CR1: variants seen among roughly 807,000 people sequenced by gnomAD.
The protein encoded by CR1 is complement receptor type 1.
A neutral mutation model predicts 187.3 loss-of-function variants in CR1; 116 were observed. The ratio of observed to expected loss-of-function variants is 0.62; its 90% CI spans 0.53 to 0.72. The LOEUF is 0.72. CR1 is among the 30% of genes least tolerant of loss of function. The pLI is 0.00. For missense variants in CR1, 1,731 were observed against 2,110.7 expected, an observed-to-expected ratio of 0.82 and a Z score of 3.52; for synonymous variants, 576 against 747.1, an observed-to-expected ratio of 0.77 and a Z score of 3.73.
chr1:207,614,929 C>G (rs979235393), intron 40 of CR1, among the ~76,000 whole-genome samples: 3 of 152,130 alleles, frequency 2.0e-5, no homozygotes, highest in African/African-American at 4.8e-5. Context: ...CGCACCTCAG[C>G]CTCCCAGTAG....
chr1:207,617,718 C>T lies in CR1; in HGVS notation c.6890-353C>T, dbSNP rs574419266. On this transcript the variant is annotated intron_variant, in intron 41 of 46. Transcript: ENST00000367049. ...TTTGATATATTAGTCTGGCTTTAAA[C>T]GACAGTACCTGACAACTGTAGGCAC... is the stretch of plus-strand genomic sequence containing the variant. Among the ~76,000 whole-genome samples the T allele has an allele frequency of 2.8e-4, 41 of 144,552 alleles. No individual in the cohort carries two copies. The South Asian group carries it at 9.0e-3, about 32-fold the overall frequency. 94.8% of individuals were successfully genotyped at this position (144,552 alleles called of 152,430 possible).
At chr1:207,567,543 G>A (rs1660540534) in intron 24 of CR1, among the ~76,000 whole-genome samples, 1 of 150,260 alleles carries the variant, frequency 6.7e-6, no homozygotes, top group Non-Finnish European at 1.5e-5. Context: ...CTTCAAAATG[G>A]TTATTTTTCT....
intron 46 of CR1, among the ~76,000 whole-genome samples, chr1:207,631,089 C>A (rs1026656646): frequency 1.3e-5 from 2 of 152,148 alleles, no homozygotes; most frequent in Non-Finnish European, 2.9e-5. Flanking sequence ...TTTGACTGCT[C>A]CTTCTTTTGG....
intron 27 of CR1, among the ~76,000 whole-genome samples, chr1:207,574,900 G>C (rs1660692855): frequency 6.6e-6 from 1 of 152,126 alleles, no homozygotes; most frequent in Non-Finnish European, 1.5e-5. Flanking sequence ...CATATAGCAA[G>C]TGAGAGGGAA....
chr1:207,496,491 G>A (rs1659090662), intron 1 of CR1, 103 bp downstream of exon 1: 10 of 1,234,490 alleles, frequency 8.1e-6, no homozygotes, highest in Non-Finnish European at 9.7e-6. Context: ...CTGCGCGCCC[G>A]GGTCCGAAGG....
chr1:207,616,223 G>A (rs1392782333), intron 40 of CR1, among the ~76,000 whole-genome samples: 1 of 152,102 alleles, frequency 6.6e-6, no homozygotes, highest in Non-Finnish European at 1.5e-5. Context: ...AACTTTGTCT[G>A]TCTTGAACCT....
chr1:207,623,815 A>G (rs1365496631), intron 45 of CR1, among the ~76,000 whole-genome samples: 1 of 151,954 alleles, frequency 6.6e-6, no homozygotes, highest in Admixed American at 6.6e-5. Context: ...TATGGCACAC[A>G]TATCATATGG....
At chr1:207,519,160 A>G (rs775568144) in intron 4 of CR1, among the ~76,000 whole-genome samples, 2 of 152,004 alleles carry the variant, frequency 1.3e-5, no homozygotes, top group Non-Finnish European at 2.9e-5. Context: ...TTTATATTAT[A>G]TGTGTTTTAA....
chr1:207,573,684 A>G (rs1213279276), intron 27 of CR1, among the ~76,000 whole-genome samples: 2 of 152,168 alleles, frequency 1.3e-5, no homozygotes, highest in Non-Finnish European at 2.9e-5. Context: ...AAGTGTGTAC[A>G]TGAATGAATA....
At chr1:207,603,008 T>C (rs576377548) in intron 35 of CR1, among the ~76,000 whole-genome samples, 22 of 152,132 alleles carry the variant, frequency 1.4e-4, no homozygotes, top group Non-Finnish European at 3.1e-4. Flanking sequence ...AAATGGAAGA[T>C]ATAATATTTT....
intron 1 of CR1, among the ~76,000 whole-genome samples, chr1:207,503,643 T>TAAGGTCCACCTAGATAACCCAGGATA (rs1488531788): frequency 1.3e-5 from 2 of 152,194 alleles, no homozygotes; most frequent in Non-Finnish European, 2.9e-5. Flanking sequence ...TGATCACATT[T>TAAGGTCCACCTAGATAACCCAGGATA]AAGGTCCACC....
At chr1:207,583,850 A>G (rs1479000775) in intron 32 of CR1, among the ~76,000 whole-genome samples, 1 of 152,208 alleles carries the variant, frequency 6.6e-6, no homozygotes. Flanking sequence ...GAGTGTAAAC[A>G]TTGGTTAAGC....
At chr1:207,584,999 A>C in intron 33 of CR1, 123 bp downstream of exon 33, 5 of 1,424,726 alleles carry the variant, frequency 3.5e-6, no homozygotes, top group South Asian at 1.4e-5. Flanking sequence ...TGTAAATGTC[A>C]AAATTACATA....
chr1:207,520,968 G>GTTTTTT lies in CR1; in HGVS notation c.488-2623_488-2618dup, dbSNP rs141546660. On this transcript the variant is annotated intron_variant, in intron 4 of 46. Coordinates refer to ENST00000367049, the MANE Select transcript of CR1 (RefSeq NM_000651.6). ...TTTGCACATTTTTTTTTTTTTGGTT[G>GTTTTTT]TTTTTTTTTTTTTTTTTTTTTTTTT... 5.8e-4 allele frequency among the ~76,000 whole-genome samples: 26 copies of GTTTTTT among 44,570 alleles called. 1 individual carries two copies. Among genetic ancestry groups the GTTTTTT allele is most frequent in the East Asian group, 4.7e-3 (6 of 1,288 alleles). 29.2% of individuals were successfully genotyped at this position (44,570 alleles called of 152,430 possible).
In CR1 at chr1:207,565,865, T is replaced by C; in HGVS notation, c.3894T>C (p.Ser1298=). ...EGFQLKGSSA[S]YCVLAGMESL... ...TTCAATTAAAAGGCAGCTCTGCTAG[T>C]TATTGTGTCTTGGCTGGAATGGAAA... Residue 1298 remains serine (S), a synonymous_variant, in exon 24 of 47, where the codon AGT becomes AGC. Coordinates refer to ENST00000367049, the MANE Select transcript of CR1 (RefSeq NM_000651.6). 1 of 1,610,926 alleles carries C rather than the reference T, an allele frequency of 6.2e-7. No homozygotes were observed. Among genetic ancestry groups the C allele is most frequent in the Non-Finnish European group, 8.5e-7 (1 of 1,179,738 alleles).
At chr1:207,632,633 C>A (rs990181995) in intron 46 of CR1, among the ~76,000 whole-genome samples, 7 of 151,780 alleles carry the variant, frequency 4.6e-5, no homozygotes, top group African/African-American at 1.7e-4. Flanking sequence ...TAAATACACA[C>A]ACACACACAC....
At chr1:207,608,965 C>A (rs1661828887) in intron 36 of CR1, among the ~76,000 whole-genome samples, 1 of 151,830 alleles carries the variant, frequency 6.6e-6, no homozygotes, top group Admixed American at 6.6e-5. Flanking sequence ...ATTTTAATAA[C>A]CTATAGGAAA....
chr1:207,632,797 C>CAAAAAAAAAAAAAAA (rs55649027), intron 46 of CR1, among the ~76,000 whole-genome samples: 11 of 107,658 alleles, frequency 1.0e-4, no homozygotes, highest in African/African-American at 4.0e-4. Flanking sequence ...GACTCCGTCT[C>CAAAAAAAAAAAAAAA]AAAAAAAAAA....
intron 35 of CR1, among the ~76,000 whole-genome samples, chr1:207,592,415 C>G (rs371850974): frequency 1.3e-5 from 2 of 152,292 alleles, no homozygotes; most frequent in Middle Eastern, 3.4e-3. Flanking sequence ...TAAAAACTCT[C>G]AATAAACTAG....
Sources: allele counts gnomAD v4.1 joint callset (sites outside exome capture counted in the v4.1 genomes callset), GRCh38; gene constraint gnomAD v4.1.1; transcripts MANE v1.5; gene names NCBI Gene and HGNC (gene_info 2026-07-23, HGNC 2026-07-21).